HECW1: variants seen among roughly 807,000 people sequenced by gnomAD.
HECW1 encodes the protein E3 ubiquitin-protein ligase HECW1.
HECW1 carries 61 observed loss-of-function variants against 182.3 expected under a neutral mutation model. That is an observed-to-expected ratio of 0.33 (90% confidence interval 0.27 to 0.41). The LOEUF is 0.41. Ranked by LOEUF, HECW1 falls within the 10% of genes least tolerant of loss-of-function variation. HECW1 has a pLI of 1.00. For missense variants in HECW1, 1,739 were observed against 2,108.9 expected (o/e 0.82, Z 3.44); for synonymous variants, 859 against 832.6 (o/e 1.03, Z -0.55).
At chr7:43,421,642 G>A (rs2076187245) in intron 8 of HECW1, among the ~76,000 whole-genome samples, 1 of 152,146 alleles carries the variant, frequency 6.6e-6, no homozygotes, top group Non-Finnish European at 1.5e-5. Flanking sequence ...ACACAAAGCG[G>A]GGATGTCCAA....
intron 2 of HECW1, among the ~76,000 whole-genome samples, chr7:43,186,494 C>T (rs1455469504): frequency 1.3e-5 from 2 of 151,864 alleles, no homozygotes; most frequent in Admixed American, 1.3e-4. Context: ...GGTGAAACCC[C>T]GTCTTTACTA....
chr7:43,541,317 C>G, intron 25 of HECW1, 56 bp downstream of exon 25: 4 of 1,331,080 alleles, frequency 3.0e-6, no homozygotes, highest in Non-Finnish European at 4.3e-6. Flanking sequence ...GGCAAGGACA[C>G]CGACCTCTCT....
intron 8 of HECW1, among the ~76,000 whole-genome samples, chr7:43,434,402 T>C (rs943250044): frequency 6.6e-6 from 1 of 152,212 alleles, no homozygotes; most frequent in African/African-American, 2.4e-5. Flanking sequence ...CAGGTGAAGA[T>C]GCTGAGGTTT....
intron 5 of HECW1, among the ~76,000 whole-genome samples, chr7:43,349,925 T>C (rs1462571271): frequency 6.6e-6 from 1 of 152,194 alleles, no homozygotes; most frequent in Non-Finnish European, 1.5e-5. Context: ...TTTGTTTTTA[T>C]GCTTTTTAAA....
At chr7:43,272,292 G>C (rs577017997) in intron 3 of HECW1, among the ~76,000 whole-genome samples, 1 of 152,028 alleles carries the variant, frequency 6.6e-6, no homozygotes, top group Non-Finnish European at 1.5e-5. Flanking sequence ...GAATTTATAA[G>C]TCCTCAAAAG....
chr7:43,311,206 A>G (rs995301463), intron 3 of HECW1, among the ~76,000 whole-genome samples: 1 of 152,226 alleles, frequency 6.6e-6, no homozygotes, highest in African/African-American at 2.4e-5. Context: ...AATCCTTCAT[A>G]GAAACTTCAT....
intron 16 of HECW1, among the ~76,000 whole-genome samples, chr7:43,474,099 A>G (rs199996837): frequency 2.0e-5 from 3 of 152,206 alleles, no homozygotes; most frequent in East Asian, 3.8e-4. Context: ...TGTGAAGACA[A>G]TAACAGAAAA....
At chr7:43,198,648 C>G (rs1384528284) in intron 2 of HECW1, among the ~76,000 whole-genome samples, 2 of 150,322 alleles carry the variant, frequency 1.3e-5, no homozygotes, top group African/African-American at 4.9e-5. Flanking sequence ...ACCCCACACT[C>G]TATCTCACAC....
intron 2 of HECW1, among the ~76,000 whole-genome samples, chr7:43,222,813 T>C (rs1797098641): frequency 6.6e-6 from 1 of 152,148 alleles, no homozygotes; most frequent in African/African-American, 2.4e-5. Flanking sequence ...CATTGGGCCG[T>C]CTCAGGGCTC....
In HECW1 at chr7:43,370,317, A is replaced by G. The variant is rs139024296; in HGVS notation, c.555+9337A>G. On this transcript the variant is annotated intron_variant, in intron 6 of 29. Coordinates refer to ENST00000395891, the MANE Select transcript of HECW1 (RefSeq NM_015052.5). ...AAACAATGAGGTACCAAAGATACCT[A>G]TTAAAATAGCCAAAATCCAAACACT... 2.3e-3 allele frequency among the ~76,000 whole-genome samples: 352 copies of G among 152,338 alleles called. 1 individual carries two copies. The highest frequency in any genetic ancestry group is 7.7e-3 in the African/African-American group (322 of 41,570).
chr7:43,141,279 C>A (rs1788122716), intron 2 of HECW1, among the ~76,000 whole-genome samples: 1 of 152,120 alleles, frequency 6.6e-6, no homozygotes, highest in African/African-American at 2.4e-5. Context: ...AGGGTGCCCA[C>A]CCCCACGGCC....
At chr7:43,370,516 G>A (rs1285647616) in intron 6 of HECW1, among the ~76,000 whole-genome samples, 1 of 152,210 alleles carries the variant, frequency 6.6e-6, no homozygotes, top group East Asian at 1.9e-4. Flanking sequence ...ACCCAACGGA[G>A]TTGAAAACTT....
Position 43,328,741 on chromosome 7 carries a change from G to A in HECW1, c.460+7999G>A, listed in dbSNP as rs562620891. 1.8e-4 allele frequency among the ~76,000 whole-genome samples: 27 copies of A among 152,268 alleles called. No individual in the cohort carries two copies. The South Asian group carries it at 2.3e-3, about 13-fold the overall frequency. On this transcript the variant is annotated intron_variant, in intron 5 of 29. Transcript: ENST00000395891. ...TAACCGGAACATTCCATTCAGATTC[G>A]CAGCAATACAAAACGATGGTGCCGG... is the stretch of plus-strand genomic sequence containing the variant.
intron 8 of HECW1, among the ~76,000 whole-genome samples, chr7:43,419,044 G>A (rs1379492142): frequency 6.6e-6 from 1 of 152,174 alleles, no homozygotes; most frequent in African/African-American, 2.4e-5. Flanking sequence ...TTTGCCCTGT[G>A]CGTGTATGAT....
intron 6 of HECW1, 30 bp from the exon 7 acceptor site, chr7:43,396,780 TTTTG>T: frequency 7.0e-7 from 1 of 1,438,120 alleles, no homozygotes; most frequent in Non-Finnish European, 9.8e-7. Context: ...TCAGTGCTTG[TTTTG>T]TTTGTCTCCC....
intron 2 of HECW1, among the ~76,000 whole-genome samples, chr7:43,136,852 C>T (rs2152627750): frequency 6.6e-6 from 1 of 152,276 alleles, no homozygotes; most frequent in South Asian, 2.1e-4. Context: ...TGGTGGCCGA[C>T]TCTAGCCCAG....
intron 2 of HECW1, among the ~76,000 whole-genome samples, chr7:43,223,912 A>G (rs1302011105): frequency 6.6e-6 from 1 of 152,134 alleles, no homozygotes; most frequent in Non-Finnish European, 1.5e-5. Flanking sequence ...TCAAATCTGC[A>G]AAAATGCCAC....
intron 2 of HECW1, among the ~76,000 whole-genome samples, chr7:43,133,256 A>G (rs1583627830): frequency 6.6e-6 from 1 of 151,878 alleles, no homozygotes; most frequent in East Asian, 1.9e-4. Flanking sequence ...ACACATTTAT[A>G]TATAAATGAA....
intron 6 of HECW1, among the ~76,000 whole-genome samples, chr7:43,371,369 G>GT (rs1817340821): frequency 6.6e-6 from 1 of 152,176 alleles, no homozygotes; most frequent in East Asian, 1.9e-4. Flanking sequence ...TGGAACGTTG[G>GT]TAGTTGGGGA....
Sources: allele counts gnomAD v4.1 joint callset (sites outside exome capture counted in the v4.1 genomes callset), GRCh38; gene constraint gnomAD v4.1.1; transcripts MANE v1.5; gene names NCBI Gene and HGNC (gene_info 2026-07-23, HGNC 2026-07-21).